The following USP30 variants were observed in gnomAD, a reference collection of about 807,000 sequenced individuals.
USP30 encodes the protein ubiquitin carboxyl-terminal hydrolase 30.
USP30 carries 41 observed loss-of-function variants against 68.2 expected under a neutral mutation model. That is an observed-to-expected ratio of 0.60 (90% CI 0.47 to 0.78). The LOEUF is 0.78. Ranked by LOEUF, USP30 falls within the 30% of genes least tolerant of loss-of-function variation. The pLI is 0.00. For missense variants in USP30, 522 were observed against 649.4 expected (o/e 0.80, Z 2.13); for synonymous variants, 229 against 253.7 (o/e 0.90, Z 0.93).
intron 3 of USP30, among the ~76,000 whole-genome samples, chr12:109,043,443 G>C (rs2040578154): frequency 1.3e-5 from 2 of 152,290 alleles, no homozygotes; most frequent in South Asian, 4.1e-4. Context: ...TGGTCAAAAT[G>C]ACTTTTGACA....
chr12:109,028,462 C>A (rs893742005), intron 3 of USP30, among the ~76,000 whole-genome samples: 1 of 148,458 alleles, frequency 6.7e-6, no homozygotes, highest in African/African-American at 2.5e-5. Context: ...TTTTTTTTTT[C>A]TGTTTTTTTG....
chr12:109,084,987 T>A lies in USP30; in HGVS notation c.1203T>A (p.Ile401=). The A allele has an allele frequency of 6.2e-7, 1 of 1,604,298 alleles. No homozygotes were observed. The change falls in exon 12 of 13, where the codon ATT becomes ATA. Residue 401 remains isoleucine (I), a synonymous_variant. Transcript: ENST00000257548. ...LNQPGAPKTQ[I]FMNGACSPSL... is the part of the protein sequence containing the mutation. ...AGCCAGGGGCCCCCAAAACACAGATTTTTATGAATGGCGCCTGCTCCCCAT... is the reference window on the plus strand; with the variant it reads ...AGCCAGGGGCCCCCAAAACACAGATATTTATGAATGGCGCCTGCTCCCCAT...
chr12:109,058,458 G>A (rs1022756038), intron 3 of USP30, among the ~76,000 whole-genome samples: 3 of 151,998 alleles, frequency 2.0e-5, no homozygotes, highest in African/African-American at 7.2e-5. Flanking sequence ...TGTAATCCCA[G>A]CTACTCAGGA....
At position 109,056,674 on chromosome 12, in the gene USP30, T is replaced by C; in HGVS notation, c.84-8T>C. The C allele has an allele frequency of 6.3e-7, 1 of 1,598,192 alleles. No homozygotes were observed. Among genetic ancestry groups the C allele is most frequent in the Non-Finnish European group, 8.5e-7 (1 of 1,172,390 alleles). On this transcript the variant is annotated splice_region_variant and splice_polypyrimidine_tract_variant and intron_variant, in intron 1 of 12. Transcript: ENST00000257548. ...GAGGGAAGACAGTAAACTTGTTTTC[T>C]TTTTTAGATATAAAGTCATGAAGAA...
intron 1 of USP30, among the ~76,000 whole-genome samples, chr12:109,024,406 C>T (rs367754490): frequency 3.3e-5 from 5 of 151,854 alleles, no homozygotes; most frequent in South Asian, 2.1e-4. Flanking sequence ...TACAGGTGTG[C>T]GCCACCATGC....
In USP30 at chr12:109,085,836, C is replaced by A. The variant is rs756832558; in HGVS notation, c.1459C>A (p.Gln487Lys). 2.0e-5 allele frequency: 33 copies of A among 1,614,142 alleles called. No individual in the cohort carries two copies. Among genetic ancestry groups the A allele is most frequent in the Non-Finnish European group, 2.6e-5 (31 of 1,180,056 alleles). Reference sequence around the variant, plus strand: ...TGACACTGTCCGCAAGGCCAGCCTGCAGGAGGTCCTGTCCTCCAGCGCCTA... The same window carrying A: ...TGACACTGTCCGCAAGGCCAGCCTGAAGGAGGTCCTGTCCTCCAGCGCCTA... ...SDDTVRKASL[Q>K]EVLSSSAYLL... The change falls in exon 13 of 13, where the codon CAG becomes AAG. Residue 487 changes from glutamine to lysine, a missense_variant. Transcript: ENST00000257548.
At chr12:109,077,477 G>A (rs1566102009) in intron 7 of USP30, among the ~76,000 whole-genome samples, 1 of 152,080 alleles carries the variant, frequency 6.6e-6, no homozygotes, top group Non-Finnish European at 1.5e-5. Context: ...AAGTCTATTT[G>A]AATGATTCAT....
In USP30 at chr12:109,029,874, G is replaced by A. The variant is rs149018445; in HGVS notation, c.-136+2318G>A. Reference sequence around the variant, plus strand: ...AGGTAGGGTGAGAGGGGCAACCTTTGATTAACATTAATGGTACCCTATCTG... The same window carrying A: ...AGGTAGGGTGAGAGGGGCAACCTTTAATTAACATTAATGGTACCCTATCTG... On this transcript the variant is annotated intron_variant, in intron 3 of 15. Coordinates refer to the USP30 transcript ENST00000392784. Among the ~76,000 whole-genome samples, 356 of 152,176 alleles carry A rather than the reference G, an allele frequency of 2.3e-3. 1 individual carries two copies. The highest frequency in any genetic ancestry group is 7.5e-3 in the African/African-American group (312 of 41,540).
chr12:109,068,385 G>A (rs1366076076), intron 4 of USP30, among the ~76,000 whole-genome samples: 1 of 152,172 alleles, frequency 6.6e-6, no homozygotes, highest in Non-Finnish European at 1.5e-5. Context: ...GACGTGAGGG[G>A]CATCGAGAGA....
intron 3 of USP30, among the ~76,000 whole-genome samples, chr12:109,062,223 C>T (rs992807499): frequency 1.3e-5 from 2 of 152,140 alleles, no homozygotes; most frequent in African/African-American, 4.8e-5. Flanking sequence ...GCATGAACCA[C>T]CACACCTGGC....
chr12:109,069,862 T>C (rs906192678), intron 4 of USP30, among the ~76,000 whole-genome samples: 59 of 151,582 alleles, frequency 3.9e-4, no homozygotes, highest in African/African-American at 1.4e-3. Flanking sequence ...TAAAAGAGAG[T>C]GAAGTGTGTG....
At chr12:109,064,517 G>A (rs191760833) in intron 3 of USP30, among the ~76,000 whole-genome samples, 9 of 152,166 alleles carry the variant, frequency 5.9e-5, no homozygotes, top group Admixed American at 4.6e-4. Flanking sequence ...CTGACCTGAA[G>A]TGATTAACCA....
intron 1 of USP30, among the ~76,000 whole-genome samples, chr12:109,056,469 A>G (rs1465914382): frequency 2.0e-5 from 3 of 152,232 alleles, no homozygotes; most frequent in Non-Finnish European, 4.4e-5. Flanking sequence ...CTGGGATTAC[A>G]GGGATGAGCC....
In USP30 at chr12:109,081,883, A is replaced by G. The variant is rs373893551; in HGVS notation, c.781-50A>G. The stretch of plus-strand genomic sequence containing the variant: ...CACACTGCCATCTGCTAACAGTTTC[A>G]GTATAGCTGTCCTTTGAATTGTAGT... On this transcript the variant is annotated intron_variant, in intron 8 of 12. Transcript: ENST00000257548. 2.6e-5 allele frequency: 41 copies of G among 1,554,676 alleles called. 2 individuals carry two copies. Among genetic ancestry groups the G allele is most frequent in the East Asian group, 9.0e-5 (4 of 44,584 alleles).
At chr12:109,085,576 T>A (rs910059722) in intron 12 of USP30, 91 bp from the exon 13 acceptor site, 1 of 1,467,322 alleles carries the variant, frequency 6.8e-7, no homozygotes, top group Non-Finnish European at 9.3e-7. Context: ...ATTGTATTCA[T>A]CCCCTATTTA....
intron 7 of USP30, among the ~76,000 whole-genome samples, chr12:109,075,380 G>T (rs1023725006): frequency 6.6e-6 from 1 of 151,770 alleles, no homozygotes; most frequent in African/African-American, 2.4e-5. Context: ...ACAGAGTCTC[G>T]CTCTGCTGCA....
intron 3 of USP30, chr12:109,060,088 G>A (rs1244841599): frequency 1.3e-5 from 2 of 152,156 alleles, no homozygotes; most frequent in East Asian, 1.9e-4. Flanking sequence ...TAAAGTAATC[G>A]ATGGCATACA....
chr12:109,061,868 C>T (rs1404958136), intron 3 of USP30, among the ~76,000 whole-genome samples: 1 of 152,300 alleles, frequency 6.6e-6, no homozygotes, highest in Non-Finnish European at 1.5e-5. Flanking sequence ...CTTCCAGACC[C>T]TTTTCTGTGC....
chr12:109,073,502 T>C lies in USP30; in HGVS notation c.690T>C (p.Ser230=). 6.2e-7 allele frequency: 1 copy of C among 1,613,844 alleles called. No homozygotes were observed. Among genetic ancestry groups the C allele is most frequent in the South Asian group, 1.1e-5 (1 of 91,080 alleles). Residue 230 remains serine, a synonymous_variant, in exon 7 of 13, where the codon AGT becomes AGC. Transcript: ENST00000257548. ...SQHPFHGRLT[S]NMVCKHCEHQ... is the part of the protein sequence containing the mutation. The stretch of plus-strand genomic sequence containing the variant: ...ATCCTTTTCATGGAAGACTCACTAG[T>C]AATATGGTCTGCAAACACTGTGAAC...
Sources: allele counts gnomAD v4.1 joint callset (sites outside exome capture counted in the v4.1 genomes callset), GRCh38; gene constraint gnomAD v4.1.1; transcripts MANE v1.5; gene names NCBI Gene and HGNC (gene_info 2026-07-23, HGNC 2026-07-21).